Variants in POU2F1 observed in about 807,000 individuals in gnomAD.
The protein encoded by POU2F1 is POU class 2 homeobox 1.
Under a neutral mutation model 84.9 loss-of-function variants are expected in POU2F1, and 16 were observed. The observed-to-expected ratio is 0.19, with a 90% CI of 0.13 to 0.29. The LOEUF (loss-of-function observed/expected upper bound fraction) is 0.29, where lower values mean the gene tolerates loss of function less well. Ranked by LOEUF, POU2F1 falls within the 10% of genes least tolerant of loss-of-function variation. The probability of loss-of-function intolerance (pLI) is 1.00; values close to 1 mark genes in which losing one functional copy is unlikely to be tolerated. For missense variants in POU2F1, 738 were observed against 942.6 expected (o/e 0.78, Z 2.84); for synonymous variants, 368 against 368.3 (o/e 1.00, Z 0.01).
At chr1:167,349,882 A>C (rs887057218) in intron 2 of POU2F1, among the ~76,000 whole-genome samples, 1 of 152,244 alleles carries the variant, frequency 6.6e-6, no homozygotes, top group South Asian at 2.1e-4. Context: ...TATGGGCGTA[A>C]TAATTTTATC....
intron 1 of POU2F1, among the ~76,000 whole-genome samples, chr1:167,244,189 T>G (rs912895053): frequency 1.2e-4 from 18 of 152,182 alleles, no homozygotes; most frequent in African/African-American, 4.1e-4. Context: ...GAAGATAGCA[T>G]GTAAAGGAAG....
chr1:167,304,667 T>A (rs1022821577), intron 1 of POU2F1, among the ~76,000 whole-genome samples: 2 of 152,194 alleles, frequency 1.3e-5, no homozygotes, highest in Admixed American at 1.3e-4. Context: ...ATTTTTATAA[T>A]GTAATTCAAA....
intron 2 of POU2F1, 52 bp from the exon 3 acceptor site, chr1:167,365,415 T>A: frequency 7.3e-7 from 1 of 1,368,690 alleles, no homozygotes; most frequent in Non-Finnish European, 1.0e-6. Flanking sequence ...AATCTAGTGC[T>A]TTATTTCATT....
intron 4 of POU2F1, among the ~76,000 whole-genome samples, chr1:167,370,607 C>A (rs1659945379): frequency 6.6e-6 from 1 of 151,910 alleles, no homozygotes; most frequent in South Asian, 2.1e-4. Flanking sequence ...GAGGAAAGAA[C>A]ACTGGACTGA....
intron 2 of POU2F1, chr1:167,338,011 T>C (rs749867353): frequency 5.0e-6 from 2 of 397,108 alleles, no homozygotes; most frequent in Non-Finnish European, 9.9e-6. Context: ...CTAAAGCACA[T>C]GGTGGAAGAA....
chr1:167,308,823 G>T (rs1571271664), intron 1 of POU2F1, among the ~76,000 whole-genome samples: 1 of 152,186 alleles, frequency 6.6e-6, no homozygotes, highest in African/African-American at 2.4e-5. Context: ...CTGGCCTTTT[G>T]TTATTTCTTG....
chr1:167,355,172 CTT>C (rs773260599), intron 2 of POU2F1, among the ~76,000 whole-genome samples: 9 of 133,864 alleles, frequency 6.7e-5, no homozygotes, highest in Admixed American at 7.4e-5. Context: ...ATTTTTCTTT[CTT>C]TTTTTTTTTT....
At chr1:167,363,756 G>C (rs1373945517) in intron 2 of POU2F1, among the ~76,000 whole-genome samples, 1 of 152,180 alleles carries the variant, frequency 6.6e-6, no homozygotes, top group Non-Finnish European at 1.5e-5. Context: ...ATGATTTTTA[G>C]AAAGTGAAAT....
intron 5 of POU2F1, among the ~76,000 whole-genome samples, chr1:167,372,945 CTTT>C (rs1557935995): frequency 2.6e-5 from 4 of 151,738 alleles, no homozygotes; most frequent in Non-Finnish European, 5.9e-5. Flanking sequence ...TTCTTTCTTT[CTTT>C]CTTTTTTTCC....
chr1:167,370,034 G>A (rs1571385914), intron 3 of POU2F1, 127 bp from the exon 4 acceptor site: 12 of 748,496 alleles, frequency 1.6e-5, no homozygotes, highest in Admixed American at 9.0e-5. Flanking sequence ...TTTTAACTCC[G>A]TAAGACAAAC....
At chr1:167,277,605 C>G (rs1239153095) in intron 1 of POU2F1, among the ~76,000 whole-genome samples, 3 of 152,128 alleles carry the variant, frequency 2.0e-5, no homozygotes, top group Non-Finnish European at 4.4e-5. Flanking sequence ...CCACCTCACC[C>G]CAGCCACCTT....
At chr1:167,233,348 G>C (rs112129444) in intron 1 of POU2F1, among the ~76,000 whole-genome samples, 1 of 149,952 alleles carries the variant, frequency 6.7e-6, no homozygotes, top group Non-Finnish European at 1.5e-5. Flanking sequence ...TTGTTGCCCC[G>C]GCTGGTCTTC....
Position 167,426,035 on chromosome 1 carries a change from A to G in POU2F1, c.*10225A>G, listed in dbSNP as rs1352526323. The G allele has an allele frequency of 6.6e-6, 1 of 151,498 alleles. No individual in the cohort carries two copies. The highest frequency in any genetic ancestry group is 2.4e-5 in the African/African-American group (1 of 41,196). 9.4% of individuals were successfully genotyped at this position (151,498 alleles called of 1,614,324 possible). On this transcript the variant is annotated 3_prime_UTR_variant, in exon 16 of 16. Transcript: ENST00000367866. The stretch of plus-strand genomic sequence containing the variant: ...TCTCAGTTGGTTGGGGGAGGGGGGT[A>G]CTTGGTTCTTGGGTCACACAAGCTC...
intron 1 of POU2F1, among the ~76,000 whole-genome samples, chr1:167,225,119 T>C (rs1159976989): frequency 6.6e-6 from 1 of 152,214 alleles, no homozygotes; most frequent in Non-Finnish European, 1.5e-5. Flanking sequence ...TGAGCCACCA[T>C]GCCCAGCCCG....
intron 1 of POU2F1, among the ~76,000 whole-genome samples, chr1:167,272,933 G>A (rs2102473417): frequency 6.6e-6 from 1 of 152,278 alleles, no homozygotes; most frequent in South Asian, 2.1e-4. Flanking sequence ...TCTGAGACAA[G>A]GCAAGTCTCT....
chr1:167,372,637 C>G (rs937100289), intron 5 of POU2F1, among the ~76,000 whole-genome samples: 4 of 152,174 alleles, frequency 2.6e-5, no homozygotes, highest in African/African-American at 9.7e-5. Context: ...TAGAACGGTG[C>G]TTGGCATGTA....
chr1:167,302,250 AT>A (rs1011279200), intron 1 of POU2F1, among the ~76,000 whole-genome samples: 28 of 146,598 alleles, frequency 1.9e-4, no homozygotes, highest in Middle Eastern at 3.5e-3. Context: ...CACCCGGCTA[AT>A]TTTTTTTTTC....
intron 1 of POU2F1, among the ~76,000 whole-genome samples, chr1:167,309,687 ATTAG>A (rs947022750): frequency 2.0e-5 from 3 of 152,142 alleles, no homozygotes; most frequent in African/African-American, 7.2e-5. Context: ...TTGGAACCCT[ATTAG>A]TTCCATGTTG....
At chr1:167,315,818 A>AAC (rs1655850990) in intron 1 of POU2F1, among the ~76,000 whole-genome samples, 1 of 151,912 alleles carries the variant, frequency 6.6e-6, no homozygotes, top group African/African-American at 2.4e-5. Flanking sequence ...AAAAAAAAAA[A>AAC]AACCCTGAAA....
Sources: gnomAD v4.1 joint callset for allele counts (sites outside exome capture counted in the v4.1 genomes callset) on GRCh38, gnomAD v4.1.1 for gene constraint, MANE v1.5 for transcripts, NCBI Gene and HGNC (gene_info 2026-07-23, HGNC 2026-07-21) for gene names.